The following CIAO2A variants were observed in gnomAD, a reference collection of about 807,000 sequenced individuals.
CIAO2A encodes cytosolic iron-sulfur assembly component 2A.
CIAO2A carries 17 observed loss-of-function variants against 22.4 expected under a neutral mutation model. The observed-to-expected ratio is 0.76, with a 90% confidence interval of 0.52 to 1.14. CIAO2A has a LOEUF of 1.14. CIAO2A is among the 50% of genes most tolerant of loss of function. The probability of loss-of-function intolerance (pLI) is 0.00; values close to 1 mark genes in which losing one functional copy is unlikely to be tolerated. For synonymous variants in CIAO2A, 74 were observed against 72.3 expected, an observed-to-expected ratio of 1.02 and a Z score of -0.12; for missense variants, 192 against 191.4, an observed-to-expected ratio of 1.00 and a Z score of -0.02.
At chr15:64,078,220 C>T (rs1174818666) in intron 3 of CIAO2A, among the ~76,000 whole-genome samples, 1 of 151,602 alleles carries the variant, frequency 6.6e-6, no homozygotes, top group Non-Finnish European at 1.5e-5. Flanking sequence ...CATCATAAAC[C>T]ACTAGTATAA....
At chr15:64,077,225 G>A (rs996159500) in intron 3 of CIAO2A, among the ~76,000 whole-genome samples, 5 of 152,200 alleles carry the variant, frequency 3.3e-5, no homozygotes, top group Admixed American at 1.3e-4. Context: ...TTGAACCCGG[G>A]AGGTGGAGGT....
At chr15:64,074,014 A>G (rs532559441) in intron 4 of CIAO2A, among the ~76,000 whole-genome samples, 1 of 152,370 alleles carries the variant, frequency 6.6e-6, no homozygotes, top group South Asian at 2.1e-4. Context: ...GACTAATAGG[A>G]AAATAGAACA....
At chr15:64,080,123 A>G (rs990539196) in intron 3 of CIAO2A, among the ~76,000 whole-genome samples, 3 of 152,210 alleles carry the variant, frequency 2.0e-5, no homozygotes, top group Non-Finnish European at 2.9e-5. Flanking sequence ...GCAGTGGCTC[A>G]TGCCTATAAT....
intron 4 of CIAO2A, 65 bp from the exon 5 acceptor site, chr15:64,073,093 T>C: frequency 9.3e-7 from 1 of 1,071,240 alleles, no homozygotes; most frequent in East Asian, 2.6e-5. Flanking sequence ...AGACAGTATT[T>C]TTATTAGCCT....
rs1229845845 is a variant in CIAO2A at position 64,093,785 on chromosome 15, C to T, written c.-17G>A. The T allele has an allele frequency of 2.5e-6, 4 of 1,607,986 alleles. No homozygotes were observed. The South Asian group carries it at 3.3e-5, about 13-fold the overall frequency. On this transcript the variant is annotated 5_prime_UTR_variant, in exon 1 of 5. Transcript: ENST00000300030. ...CCGCTGCATCTTCACGCTCAGCCAT[C>T]CCTGGCGACTGTCCCAATCGCGCCA...
chr15:64,075,054 G>A (rs1357907964), intron 4 of CIAO2A: 1 of 152,628 alleles, frequency 6.6e-6, no homozygotes, highest in Admixed American at 6.5e-5. Context: ...GTAGGCCAGA[G>A]GTCCTCTATA....
intron 2 of CIAO2A, among the ~76,000 whole-genome samples, chr15:64,085,922 C>T (rs2080791168): frequency 6.6e-6 from 1 of 151,584 alleles, no homozygotes; most frequent in Non-Finnish European, 1.5e-5. Context: ...GTTGGCCAGG[C>T]TGGTCTCAAA....
chr15:64,091,914 G>C (rs2080842246), intron 1 of CIAO2A, among the ~76,000 whole-genome samples: 1 of 151,784 alleles, frequency 6.6e-6, no homozygotes, highest in South Asian at 2.1e-4. Context: ...ACAAAAATTA[G>C]CTGGGCATGG....
chr15:64,083,784 A>G (rs145261830), intron 2 of CIAO2A, among the ~76,000 whole-genome samples: 149 of 152,158 alleles, frequency 9.8e-4, no homozygotes, highest in African/African-American at 3.4e-3. Flanking sequence ...CTCTATTGAA[A>G]ATACAAAAAA....
chr15:64,073,174 C>A, intron 4 of CIAO2A, 146 bp from the exon 5 acceptor site: 2 of 539,636 alleles, frequency 3.7e-6, no homozygotes, highest in Non-Finnish European at 6.5e-6. Context: ...ATGTAATTTC[C>A]CATCTAGAAG....
At chr15:64,075,636 G>T in intron 3 of CIAO2A, 99 bp from the exon 4 acceptor site, 2 of 635,388 alleles carry the variant, frequency 3.1e-6, no homozygotes, top group Non-Finnish European at 5.2e-6. Flanking sequence ...CTAGGGATGA[G>T]TGCCCAAATC....
intron 1 of CIAO2A, among the ~76,000 whole-genome samples, chr15:64,092,427 T>A (rs1362711714): frequency 6.6e-6 from 1 of 152,212 alleles, no homozygotes; most frequent in African/African-American, 2.4e-5. Context: ...AGTCAGAGAC[T>A]AGTATCTCCC....
chr15:64,091,739 T>C (rs1248887091), intron 1 of CIAO2A, among the ~76,000 whole-genome samples: 1 of 151,874 alleles, frequency 6.6e-6, no homozygotes, highest in Non-Finnish European at 1.5e-5. Flanking sequence ...AGTTTCTAGA[T>C]TTGAGAGGTT....
intron 2 of CIAO2A, among the ~76,000 whole-genome samples, chr15:64,083,361 A>T (rs959618378): frequency 6.6e-6 from 1 of 152,044 alleles, no homozygotes; most frequent in Non-Finnish European, 1.5e-5. Context: ...GACCGTTCCC[A>T]TTGGACCACA....
intron 2 of CIAO2A, among the ~76,000 whole-genome samples, chr15:64,087,853 T>G (rs554995850): frequency 6.6e-6 from 1 of 152,306 alleles, no homozygotes; most frequent in East Asian, 1.9e-4. Flanking sequence ...TTATAGCTAT[T>G]CATTTATGTA....
intron 4 of CIAO2A, among the ~76,000 whole-genome samples, chr15:64,073,376 T>G (rs1176942840): frequency 6.6e-6 from 1 of 152,206 alleles, no homozygotes; most frequent in Non-Finnish European, 1.5e-5. Flanking sequence ...GTAAAAGTCT[T>G]AAGTGTTCTA....
intron 2 of CIAO2A, among the ~76,000 whole-genome samples, chr15:64,086,234 C>T (rs982252880): frequency 2.6e-5 from 4 of 151,400 alleles, no homozygotes; most frequent in African/African-American, 9.7e-5. Context: ...CATAGTGAAA[C>T]CCCATCTCTA....
chr15:64,088,206 T>C (rs1244207126), intron 2 of CIAO2A, among the ~76,000 whole-genome samples: 1 of 152,210 alleles, frequency 6.6e-6, no homozygotes, highest in African/African-American at 2.4e-5. Flanking sequence ...CTACCCATAC[T>C]ATGTAGAAAC....
chr15:64,078,186 A>C (rs2080732770), intron 3 of CIAO2A, among the ~76,000 whole-genome samples: 1 of 152,250 alleles, frequency 6.6e-6, no homozygotes, highest in Admixed American at 6.5e-5. Context: ...AAACAGTTAA[A>C]AATGAAAAAT....
Sources: gnomAD v4.1 joint callset for allele counts (sites outside exome capture counted in the v4.1 genomes callset) on GRCh38, gnomAD v4.1.1 for gene constraint, MANE v1.5 for transcripts, NCBI Gene and HGNC (gene_info 2026-07-23, HGNC 2026-07-21) for gene names.